RARB: variants seen among roughly 807,000 people sequenced by gnomAD.
RARB encodes the protein HBV-activated protein.
RARB carries 17 observed loss-of-function variants against 51.9 expected under a neutral mutation model. The observed-to-expected ratio is 0.33, with a 90% CI of 0.22 to 0.49. RARB has a LOEUF of 0.49. Among genes scored for constraint, RARB ranks in the 20% least tolerant of loss-of-function variants. The probability of loss-of-function intolerance (pLI) is 0.99; values close to 1 mark genes in which losing one functional copy is unlikely to be tolerated. For missense variants in RARB, 369 were observed against 550.8 expected, an observed-to-expected ratio of 0.67 and a Z score of 3.30; for synonymous variants, 215 against 195.4, an observed-to-expected ratio of 1.10 and a Z score of -0.84.
At chr3:25,058,301 T>G (rs1312508835) in intron 2 of RARB, among the ~76,000 whole-genome samples, 4 of 151,906 alleles carry the variant, frequency 2.6e-5, no homozygotes, top group Non-Finnish European at 5.9e-5. Flanking sequence ...GCTTTGCTTT[T>G]GTGTGGTTGG....
intron 1 of RARB, among the ~76,000 whole-genome samples, chr3:25,450,469 C>T (rs903962843): frequency 1.3e-5 from 2 of 152,144 alleles, no homozygotes; most frequent in Non-Finnish European, 2.9e-5. Context: ...TGAGCTCATA[C>T]CATCTGCATT....
chr3:25,492,796 A>T (rs576387616), intron 2 of RARB, among the ~76,000 whole-genome samples: 25 of 152,250 alleles, frequency 1.6e-4, no homozygotes, highest in Non-Finnish European at 2.4e-4. Flanking sequence ...AAGCTTCTAG[A>T]CCAAGGGAAT....
At chr3:25,371,314 T>C (rs1018560661) in intron 5 of RARB, among the ~76,000 whole-genome samples, 14 of 152,182 alleles carry the variant, frequency 9.2e-5, no homozygotes, top group Admixed American at 1.3e-4. Context: ...GGTTGGGATG[T>C]GGACAAGGCT....
At chr3:25,470,023 G>C (rs747004056) in intron 2 of RARB, among the ~76,000 whole-genome samples, 2 of 152,176 alleles carry the variant, frequency 1.3e-5, no homozygotes, top group Non-Finnish European at 2.9e-5. Context: ...TCCGGAGGCC[G>C]TGTTGAGTCA....
Position 25,282,511 on chromosome 3 carries a change from A to G in RARB, c.178+107936A>G, listed in dbSNP as rs187121056. On this transcript the variant is annotated intron_variant, in intron 5 of 11. Transcript: ENST00000383772. ...ATGATACAAAATACTTAATATATAT[A>G]TCATGTATTCCCACACATAGTAGAA... 2.1e-3 allele frequency among the ~76,000 whole-genome samples: 313 copies of G among 152,336 alleles called. 1 individual carries two copies. The highest frequency in any genetic ancestry group is 0.014 in the Middle Eastern group (4 of 294).
chr3:25,133,963 TAAAA>T (rs548061331), intron 4 of RARB, among the ~76,000 whole-genome samples: 7 of 127,586 alleles, frequency 5.5e-5, no homozygotes, highest in African/African-American at 1.2e-4. Flanking sequence ...CTGTTTTCAT[TAAAA>T]AAAAAAAAAA....
chr3:25,517,428 C>T lies in RARB; in HGVS notation c.448+16105C>T, dbSNP rs570662846. Among the ~76,000 whole-genome samples, 10 of 152,232 alleles carry T rather than the reference C, an allele frequency of 6.6e-5. No homozygotes were observed. In the East Asian group the frequency reaches 1.9e-3, roughly 29 times the overall value. ...CTTTAGTCATCATGGAAATGCAGGT[C>T]AAAACCATGATGAGATGCTGCTTCA... On this transcript the variant is annotated intron_variant, in intron 3 of 7. Transcript: ENST00000330688.
chr3:25,106,426 C>T (rs1383650534), intron 3 of RARB, among the ~76,000 whole-genome samples: 1 of 149,482 alleles, frequency 6.7e-6, no homozygotes, highest in Non-Finnish European at 1.5e-5. Context: ...CAGGCATGTA[C>T]CACCATGCCC....
intron 1 of RARB, among the ~76,000 whole-genome samples, chr3:24,842,632 A>C (rs1357962755): frequency 6.6e-6 from 1 of 152,186 alleles, no homozygotes; most frequent in Admixed American, 6.5e-5. Context: ...TCGAGGTCAC[A>C]ATTTCCTATG....
rs562189526 is a variant in RARB at position 25,335,669 on chromosome 3, C to T, written c.179-125524C>T. On this transcript the variant is annotated intron_variant, in intron 5 of 11. Coordinates refer to the RARB transcript ENST00000383772. The stretch of plus-strand genomic sequence containing the variant: ...TGTGAGTTCACTTCCTGAGAGGGGC[C>T]TTGCTGGAGACCAAATAACCCAACC... Among the ~76,000 whole-genome samples, 22 of 152,326 alleles carry T rather than the reference C, an allele frequency of 1.4e-4. No homozygotes were observed. In the East Asian group the frequency reaches 4.2e-3, roughly 29 times the overall value.
intron 2 of RARB, among the ~76,000 whole-genome samples, chr3:24,901,355 AAGG>A (rs557498640): frequency 4.1e-4 from 63 of 152,260 alleles, no homozygotes; most frequent in Non-Finnish European, 6.9e-4. Flanking sequence ...CCCTATCTGA[AAGG>A]AGAACAACAG....
chr3:25,477,495 C>G (rs764487727), intron 2 of RARB, among the ~76,000 whole-genome samples: 6 of 152,186 alleles, frequency 3.9e-5, no homozygotes, highest in Non-Finnish European at 5.9e-5. Flanking sequence ...TTGTCATATA[C>G]AACAGTGAAA....
At chr3:24,912,034 G>T (rs543729759) in intron 2 of RARB, among the ~76,000 whole-genome samples, 1 of 152,322 alleles carries the variant, frequency 6.6e-6, no homozygotes, top group South Asian at 2.1e-4. Context: ...TGGGACCTCA[G>T]AACCATTTTT....
chr3:25,233,877 A>T (rs918239478), intron 5 of RARB, among the ~76,000 whole-genome samples: 6 of 151,512 alleles, frequency 4.0e-5, no homozygotes, highest in African/African-American at 1.5e-4. Flanking sequence ...GCCATCATTA[A>T]CTTCATTGAT....
At chr3:25,327,748 G>T (rs1704768390) in intron 5 of RARB, among the ~76,000 whole-genome samples, 1 of 152,190 alleles carries the variant, frequency 6.6e-6, no homozygotes, top group South Asian at 2.1e-4. Flanking sequence ...AGTCTCACAT[G>T]ACAGCTCTAT....
chr3:25,176,386 CTTATTTAT>C (rs370815854), intron 5 of RARB, among the ~76,000 whole-genome samples: 1 of 57,942 alleles, frequency 1.7e-5, no homozygotes, highest in African/African-American at 6.0e-5. Context: ...TCCTTCCTTC[CTTATTTAT>C]TTATTTATTT....
chr3:25,502,994 C>T (rs1442072851), intron 3 of RARB, among the ~76,000 whole-genome samples: 1 of 152,208 alleles, frequency 6.6e-6, no homozygotes, highest in Non-Finnish European at 1.5e-5. Flanking sequence ...TTAGAGTCCT[C>T]ATGAATGAGA....
intron 4 of RARB, among the ~76,000 whole-genome samples, chr3:25,161,248 A>G (rs926086693): frequency 8.0e-5 from 12 of 150,806 alleles, no homozygotes; most frequent in African/African-American, 1.5e-4. Flanking sequence ...GGGTTTCGCT[A>G]TGTTTGCCAG....
chr3:25,492,519 A>G (rs1696790063), intron 2 of RARB, among the ~76,000 whole-genome samples: 1 of 152,144 alleles, frequency 6.6e-6, no homozygotes, highest in South Asian at 2.1e-4. Context: ...AACATGGGCC[A>G]CCTTTTTGTT....
Sources: gnomAD v4.1 joint callset for allele counts (sites outside exome capture counted in the v4.1 genomes callset) on GRCh38, gnomAD v4.1.1 for gene constraint, MANE v1.5 for transcripts, NCBI Gene and HGNC (gene_info 2026-07-23, HGNC 2026-07-21) for gene names.